MAF: variants seen among roughly 807,000 people sequenced by gnomAD.
The protein encoded by MAF is transcription factor Maf.
In MAF, 10 loss-of-function variants were observed where a neutral mutation model predicts 22.0. That is an observed-to-expected ratio of 0.45 (90% confidence interval 0.28 to 0.77). MAF has a LOEUF of 0.77. MAF is among the 30% of genes least tolerant of loss of function. The pLI is 0.12. For synonymous variants in MAF, 337 were observed against 255.8 expected, an observed-to-expected ratio of 1.32 and a Z score of -3.03; for missense variants, 544 against 548.4, an observed-to-expected ratio of 0.99 and a Z score of 0.08.
At chr16:79,399,399 A>G in the MAF span, among the ~76,000 whole-genome samples, 5 of 152,194 alleles carry the variant, frequency 3.3e-5, no homozygotes, top group African/African-American at 9.7e-5. Context: ...TTAGTTAAAG[A>G]TGGTTCAGTA....
At chr16:79,412,591 G>C in the MAF span, among the ~76,000 whole-genome samples, 2 of 152,204 alleles carry the variant, frequency 1.3e-5, no homozygotes, top group Non-Finnish European at 2.9e-5. Context: ...TTTGGCCACA[G>C]CACCTCCCTC....
At chr16:79,355,809 G>A in the MAF span, among the ~76,000 whole-genome samples, 1 of 152,142 alleles carries the variant, frequency 6.6e-6, no homozygotes, top group Non-Finnish European at 1.5e-5. Context: ...GCGGCGTGTG[G>A]GGAGGGGAAC....
the MAF span, among the ~76,000 whole-genome samples, chr16:79,222,286 C>G: frequency 6.6e-6 from 1 of 152,138 alleles, no homozygotes; most frequent in African/African-American, 2.4e-5. Flanking sequence ...CAAGCAAATT[C>G]TGAGCGATTT....
At chr16:79,317,913 TTCACTCACTCAC>T in the MAF span, among the ~76,000 whole-genome samples, 34,316 of 144,458 alleles carry the variant, frequency 0.24, 4,204 homozygotes, top group East Asian at 0.33. Context: ...CATTCATTCA[TTCACTCACTCAC>T]TCACTCACTC....
the MAF span, among the ~76,000 whole-genome samples, chr16:79,272,387 G>A: frequency 6.6e-6 from 1 of 152,200 alleles, no homozygotes; most frequent in Non-Finnish European, 1.5e-5. Flanking sequence ...GCTCAGGCTG[G>A]GGCGGGTCGC....
At chr16:79,311,581 G>C in the MAF span, among the ~76,000 whole-genome samples, 3 of 152,040 alleles carry the variant, frequency 2.0e-5, no homozygotes, top group African/African-American at 7.3e-5. Flanking sequence ...GTGAGTATGA[G>C]GGGTGCTCAG....
At chr16:79,579,192 C>G in the MAF span, among the ~76,000 whole-genome samples, 19 of 152,254 alleles carry the variant, frequency 1.2e-4, 1 homozygote, top group African/African-American at 4.6e-4. Context: ...AAATAATACT[C>G]CTTCATGAAA....
the MAF span, among the ~76,000 whole-genome samples, chr16:79,242,720 G>T: frequency 2.0e-5 from 3 of 152,102 alleles, no homozygotes; most frequent in African/African-American, 4.8e-5. Flanking sequence ...GACATCTACA[G>T]AACTCTCCAC....
chr16:79,553,575 G>C, the MAF span, among the ~76,000 whole-genome samples: 5 of 152,332 alleles, frequency 3.3e-5, no homozygotes, highest in Non-Finnish European at 5.9e-5. Context: ...CTGTGCACTG[G>C]TCTGGCTGAA....
At chr16:79,222,404 CA>C in the MAF span, among the ~76,000 whole-genome samples, 1 of 152,042 alleles carries the variant, frequency 6.6e-6, no homozygotes, top group Non-Finnish European at 1.5e-5. Context: ...TAAAGACCAT[CA>C]ACACTATGAA....
downstream of MAF, among the ~76,000 whole-genome samples, chr16:79,583,937 T>C (rs750269801): frequency 1.3e-5 from 2 of 152,226 alleles, no homozygotes; most frequent in Non-Finnish European, 1.5e-5. Context: ...TGGCGCAGCA[T>C]GCATGTTGGT....
chr16:79,253,975 C>T, the MAF span, among the ~76,000 whole-genome samples: 1 of 151,880 alleles, frequency 6.6e-6, no homozygotes, highest in East Asian at 1.9e-4. Context: ...CAACCACAGT[C>T]CCTTCCTGAT....
At chr16:79,322,482 G>T in the MAF span, among the ~76,000 whole-genome samples, 1 of 152,102 alleles carries the variant, frequency 6.6e-6, no homozygotes, top group South Asian at 2.1e-4. Context: ...GAGGTGCCCA[G>T]GAATTCTTTG....
chr16:79,580,531 C>G, the MAF span, among the ~76,000 whole-genome samples: 1 of 152,280 alleles, frequency 6.6e-6, no homozygotes, highest in South Asian at 2.1e-4. Flanking sequence ...GAGACAGTAC[C>G]TCGGGGGAAA....
the MAF span, among the ~76,000 whole-genome samples, chr16:79,550,927 G>A: frequency 2.0e-5 from 3 of 152,072 alleles, no homozygotes; most frequent in East Asian, 3.9e-4. Context: ...ACAGCATATG[G>A]GGCCACTGCA....
the MAF span, among the ~76,000 whole-genome samples, chr16:79,349,919 T>C: frequency 6.6e-6 from 1 of 152,192 alleles, no homozygotes; most frequent in African/African-American, 2.4e-5. Flanking sequence ...TACTGAACTT[T>C]TCATCGTTTT....
the MAF span, among the ~76,000 whole-genome samples, chr16:79,441,877 A>G: frequency 1.3e-5 from 2 of 152,258 alleles, no homozygotes; most frequent in Non-Finnish European, 2.9e-5. Flanking sequence ...TCCTGAATTT[A>G]GGGTGGGCCT....
the MAF span, among the ~76,000 whole-genome samples, chr16:79,548,728 G>T: frequency 6.6e-6 from 1 of 152,066 alleles, no homozygotes; most frequent in Admixed American, 6.6e-5. Flanking sequence ...TTGAATACCT[G>T]CCCAGCAGAT....
the MAF span, among the ~76,000 whole-genome samples, chr16:79,472,584 G>A: frequency 3.3e-5 from 5 of 152,106 alleles, no homozygotes; most frequent in East Asian, 1.9e-4. Context: ...ATACAGACAG[G>A]AAGTAGATGA....
Sources: gnomAD v4.1 joint callset for allele counts (sites outside exome capture counted in the v4.1 genomes callset) on GRCh38, gnomAD v4.1.1 for gene constraint, MANE v1.5 for transcripts, NCBI Gene and HGNC (gene_info 2026-07-23, HGNC 2026-07-21) for gene names.